Variants in HELZ observed in about 807,000 individuals in gnomAD.
HELZ encodes ATP-dependent RNA helicase with zinc finger domain.
HELZ carries 23 observed loss-of-function variants against 218.2 expected under a neutral mutation model. The ratio of observed to expected loss-of-function variants is 0.11; its 90% confidence interval spans 0.08 to 0.15. HELZ has a LOEUF of 0.15. HELZ is among the 10% of genes least tolerant of loss of function. The probability of loss-of-function intolerance (pLI) is 1.00; values close to 1 mark genes in which losing one functional copy is unlikely to be tolerated. For missense variants in HELZ, 1,813 were observed against 2,353.7 expected, an observed-to-expected ratio of 0.77 and a Z score of 4.75; for synonymous variants, 814 against 829.4, an observed-to-expected ratio of 0.98 and a Z score of 0.32.
intron 26 of HELZ, 21 bp downstream of exon 26, chr17:67,122,949 G>C (rs770761118): frequency 1.3e-6 from 2 of 1,526,698 alleles, no homozygotes; most frequent in Admixed American, 3.4e-5. Flanking sequence ...TCAATAGAAA[G>C]TATTTCGAAT....
intron 31 of HELZ, among the ~76,000 whole-genome samples, chr17:67,093,734 A>AC (rs2036644438): frequency 6.6e-6 from 1 of 152,050 alleles, no homozygotes; most frequent in African/African-American, 2.4e-5. Flanking sequence ...TTCCACTGCT[A>AC]CCCCACAGTC....
chr17:67,120,196 G>T (rs2037563221), intron 27 of HELZ, among the ~76,000 whole-genome samples: 1 of 151,132 alleles, frequency 6.6e-6, no homozygotes, highest in Non-Finnish European at 1.5e-5. Context: ...AGTAGAGATG[G>T]GATTTCACCG....
At chr17:67,090,333 C>T (rs1240269450) in intron 31 of HELZ, among the ~76,000 whole-genome samples, 1 of 152,114 alleles carries the variant, frequency 6.6e-6, no homozygotes, top group Non-Finnish European at 1.5e-5. Context: ...AGGATGCTTA[C>T]ATTGATATTC....
chr17:67,217,637 C>T (rs1442658740), intron 4 of HELZ, among the ~76,000 whole-genome samples: 2 of 152,202 alleles, frequency 1.3e-5, no homozygotes, highest in African/African-American at 4.8e-5. Flanking sequence ...GTGCACTCTA[C>T]TCTGGCCACA....
chr17:67,203,312 A>C lies in HELZ; in HGVS notation c.372+7T>G. 1.2e-6 allele frequency: 2 copies of C among 1,613,670 alleles called. No individual in the cohort carries two copies. The highest frequency in any genetic ancestry group is 1.7e-6 in the Non-Finnish European group (2 of 1,179,784). On this transcript the variant is annotated splice_region_variant and intron_variant, in intron 6 of 32. Coordinates refer to ENST00000358691, the MANE Select transcript of HELZ (RefSeq NM_014877.4). ...CAGGCATACAAAATTAGAGCTTATC[A>C]ACATACCAGGGACTCTCCTGTGAGT...
At chr17:67,139,775 C>T (rs1423190550) in intron 21 of HELZ, among the ~76,000 whole-genome samples, 2 of 152,208 alleles carry the variant, frequency 1.3e-5, no homozygotes, top group African/African-American at 2.4e-5. Flanking sequence ...ACTGTTTTAA[C>T]GGCCAAGGGG....
chr17:67,117,531 A>G (rs369635425), intron 27 of HELZ, among the ~76,000 whole-genome samples: 15 of 152,012 alleles, frequency 9.9e-5, no homozygotes, highest in Admixed American at 5.9e-4. Context: ...AAATATGTGC[A>G]AAGACTGTAT....
chr17:67,207,121 A>G (rs1345991080), intron 5 of HELZ, among the ~76,000 whole-genome samples: 1 of 148,134 alleles, frequency 6.8e-6, no homozygotes, highest in Non-Finnish European at 1.5e-5. Flanking sequence ...CATGTTGGTC[A>G]GGTTGGTCTC....
chr17:67,141,979 G>C (rs1158110177), intron 21 of HELZ, among the ~76,000 whole-genome samples: 5 of 152,020 alleles, frequency 3.3e-5, no homozygotes, highest in African/African-American at 7.3e-5. Context: ...GGGAGGCGAA[G>C]GTTGCAGTGA....
At position 67,161,304 on chromosome 17, in the gene HELZ, G is replaced by A. The variant is rs545015398; in HGVS notation, c.1896-228C>T. ...TTAATTTTATCTTGTCCTACACTAC[G>A]TACAAAAAGATTTTGGTAACTAATC... On this transcript the variant is annotated intron_variant, in intron 15 of 32. Transcript: ENST00000358691. 3.9e-5 allele frequency among the ~76,000 whole-genome samples: 6 copies of A among 152,244 alleles called. No individual in the cohort carries two copies. In the South Asian group the frequency reaches 6.2e-4, roughly 16 times the overall value.
chr17:67,119,103 C>T (rs2037519793), intron 27 of HELZ, among the ~76,000 whole-genome samples: 1 of 152,116 alleles, frequency 6.6e-6, no homozygotes, highest in Non-Finnish European at 1.5e-5. Flanking sequence ...AATAATATGG[C>T]AGTTTCTTAT....
At position 67,188,685 on chromosome 17, in the gene HELZ, A is replaced by T; in HGVS notation, c.865-69T>A. The T allele has an allele frequency of 7.9e-7, 1 of 1,265,276 alleles. No individual in the cohort carries two copies. Among genetic ancestry groups the T allele is most frequent in the Non-Finnish European group, 1.1e-6 (1 of 901,600 alleles). The allele number at this position is 1,265,276 out of a possible 1,614,324, so 78.4% of individuals were successfully genotyped here. A position where few individuals can be genotyped will look rare whatever the true frequency, so the allele number is the denominator to read the frequency against. The stretch of plus-strand genomic sequence containing the variant: ...AAATCCAATTGTAATTGGGCTCTTC[A>T]ATGAAAATATTTCCATAAGGGACTT... On this transcript the variant is annotated intron_variant, in intron 11 of 32. Transcript: ENST00000358691. This position sits in a 1 kb window ranked among gnomAD's most constrained non-coding sequence, Gnocchi z 4.1.
At chr17:67,105,380 ATAATG>A (rs2037069530) in intron 31 of HELZ, among the ~76,000 whole-genome samples, 1 of 152,218 alleles carries the variant, frequency 6.6e-6, no homozygotes, top group African/African-American at 2.4e-5. Flanking sequence ...AAAAGGCCAC[ATAATG>A]TATGACTCAA....
At position 67,109,683 on chromosome 17, in the gene HELZ, C is replaced by A. The variant is rs1206697706; in HGVS notation, c.3922G>T (p.Asp1308Tyr). 1 of 1,597,342 alleles carries A rather than the reference C, an allele frequency of 6.3e-7. No homozygotes were observed. Among genetic ancestry groups the A allele is most frequent in the Admixed American group, 1.8e-5 (1 of 56,842 alleles). Residue 1308 changes from aspartate (D) to tyrosine (Y), a missense_variant, in exon 29 of 33, where the codon GAT (aspartate) becomes TAT (tyrosine). This residue lies in a region of HELZ where 938 missense variants were observed against 1,027.5 expected (regional missense o/e 0.91). Coordinates refer to ENST00000358691, the MANE Select transcript of HELZ (RefSeq NM_014877.4). Reference protein sequence around the residue: ...EKKPTEPKQVDLESNPQNRSP... With the variant: ...EKKPTEPKQVYLESNPQNRSP... Reference sequence around the variant, plus strand: ...CTGTTCTGTGGATTTGATTCCAAATCAACCTAGAAAAAAAGAAGAAGCCTT... The same window carrying A: ...CTGTTCTGTGGATTTGATTCCAAATAAACCTAGAAAAAAAGAAGAAGCCTT...
chr17:67,160,182 T>C, intron 17 of HELZ, 79 bp downstream of exon 17: 1 of 842,352 alleles, frequency 1.2e-6, no homozygotes, highest in South Asian at 1.5e-5. Flanking sequence ...TTTCCAAAGT[T>C]ACTAAAATCT....
At chr17:67,238,938 G>A (rs1482108644) in intron 3 of HELZ, among the ~76,000 whole-genome samples, 1 of 151,948 alleles carries the variant, frequency 6.6e-6, no homozygotes, top group Non-Finnish European at 1.5e-5. Context: ...ACAACCACTA[G>A]GAAAAAAAGT....
At chr17:67,105,265 A>C (rs1209162700) in intron 31 of HELZ, among the ~76,000 whole-genome samples, 1 of 152,242 alleles carries the variant, frequency 6.6e-6, no homozygotes, top group Non-Finnish European at 1.5e-5. Context: ...AAATGTGCAG[A>C]GAACACAGTT....
At chr17:67,153,366 G>A (rs1598331954) in intron 17 of HELZ, among the ~76,000 whole-genome samples, 1 of 152,284 alleles carries the variant, frequency 6.6e-6, no homozygotes, top group East Asian at 1.9e-4. Context: ...GGAGATGCAA[G>A]TCAGATGCTC....
chr17:67,237,264 G>T (rs1022799504), intron 3 of HELZ, among the ~76,000 whole-genome samples: 1 of 152,064 alleles, frequency 6.6e-6, no homozygotes, highest in African/African-American at 2.4e-5. Context: ...CAGCCTGGGC[G>T]ACAGAGTGAG....
Sources: allele counts gnomAD v4.1 joint callset (sites outside exome capture counted in the v4.1 genomes callset), GRCh38; gene constraint gnomAD v4.1.1; regional missense constraint gnomAD v4.1.1; non-coding constraint Gnocchi (gnomAD v3.1); transcripts MANE v1.5; gene names NCBI Gene and HGNC (gene_info 2026-07-23, HGNC 2026-07-21).